SS18: variants seen among roughly 807,000 people sequenced by gnomAD.
SS18 encodes SS18 subunit of BAF chromatin remodeling complex, also known as protein SSXT.
Under a neutral mutation model 72.5 loss-of-function variants are expected in SS18, and 28 were observed. The ratio of observed to expected loss-of-function variants is 0.39; its 90% confidence interval spans 0.29 to 0.53. The LOEUF is 0.53. Ranked by LOEUF, SS18 falls within the 20% of genes least tolerant of loss-of-function variation. The pLI is 0.76. For synonymous variants in SS18, 172 were observed against 164.2 expected, an observed-to-expected ratio of 1.05 and a Z score of -0.37; for missense variants, 518 against 535.3, an observed-to-expected ratio of 0.97 and a Z score of 0.32.
chr18:26,022,951 C>T (rs2053378754), intron 10 of SS18, among the ~76,000 whole-genome samples: 1 of 152,190 alleles, frequency 6.6e-6, no homozygotes, highest in Non-Finnish European at 1.5e-5. Flanking sequence ...AGGCTCTTAC[C>T]TTATCAGTGA....
At position 26,045,845 on chromosome 18, in the gene SS18, G is replaced by A. The variant is rs555920055; in HGVS notation, c.608-6389C>T. On this transcript the variant is annotated intron_variant, in intron 5 of 10. Transcript: ENST00000415083. ...TTACTGTCAGTTAAAAATACATAGG[G>A]AAATGAGAAAATATTTAATTCACTG... 2.1e-4 allele frequency among the ~76,000 whole-genome samples: 32 copies of A among 152,098 alleles called. No homozygotes were observed. The South Asian group carries it at 6.6e-3, about 32-fold the overall frequency.
In SS18 at chr18:26,057,642, C is replaced by A; in HGVS notation, c.332G>T (p.Gly111Val). 1 of 1,614,142 alleles carries A rather than the reference C, an allele frequency of 6.2e-7. No homozygotes were observed. Residue 111 changes from glycine (G) to valine (V), a missense_variant, in exon 4 of 11, where the codon GGT becomes GTT. By Grantham distance (109) the Gly-to-Val change is moderately radical. Coordinates refer to ENST00000415083, the MANE Select transcript of SS18 (RefSeq NM_001007559.3). ...CATGTGCGGTGCAGGAGGACCCCCA[C>A]CTACCATTCCATCTGAAGGCATGTT... ...SHNMPSDGMVGGGPPAPHMQN... is the reference protein window; with the variant it reads ...SHNMPSDGMVVGGPPAPHMQN...
intron 3 of SS18, among the ~76,000 whole-genome samples, chr18:26,063,316 G>C (rs145103525): frequency 2.6e-5 from 4 of 152,096 alleles, no homozygotes; most frequent in African/African-American, 7.2e-5. Flanking sequence ...TCAGGAGATC[G>C]AGACCATCCT....
intron 2 of SS18, among the ~76,000 whole-genome samples, chr18:26,080,937 T>C (rs1407305083): frequency 6.6e-6 from 1 of 152,086 alleles, no homozygotes; most frequent in Non-Finnish European, 1.5e-5. Flanking sequence ...TTAACATTGA[T>C]ATATCATTAC....
At chr18:26,038,764 TC>T in intron 6 of SS18, 105 bp from the exon 7 acceptor site, 1 of 1,061,952 alleles carries the variant, frequency 9.4e-7, no homozygotes, top group East Asian at 2.5e-5. Context: ...AACTATAGAT[TC>T]CCATCTCATA....
In SS18 at chr18:26,035,611, T is replaced by C. The variant is rs973136799; in HGVS notation, c.973+220A>G. ...GAGGAAAAAATTATCTTTAATGTTT[T>C]AGTCTTTTTATTATTGTTAGAAATG... On this transcript the variant is annotated intron_variant, in intron 8 of 10. Coordinates refer to ENST00000415083, the MANE Select transcript of SS18 (RefSeq NM_001007559.3). The surrounding 1 kb of genome is among the most constrained non-coding windows in gnomAD (Gnocchi z 4.4). The C allele has an allele frequency of 7.7e-6, 3 of 389,414 alleles. No individual in the cohort carries two copies. Among genetic ancestry groups the C allele is most frequent in the African/African-American group, 2.1e-5 (1 of 48,408 alleles). 24.1% of individuals were successfully genotyped at this position (389,414 alleles called of 1,614,324 possible). A position where few individuals can be genotyped will look rare whatever the true frequency, so the allele number is the denominator to read the frequency against.
At chr18:26,061,611 A>G (rs778046256) in intron 3 of SS18, among the ~76,000 whole-genome samples, 19 of 152,146 alleles carry the variant, frequency 1.2e-4, no homozygotes, top group Non-Finnish European at 2.2e-4. Context: ...TTCATCAGAA[A>G]TAATAGAAAA....
chr18:26,083,992 T>C (rs1251014879), intron 2 of SS18: 1 of 152,042 alleles, frequency 6.6e-6, no homozygotes, highest in African/African-American at 2.4e-5. Context: ...CAGATCTTAG[T>C]TTCTAAACAT....
In SS18 at chr18:26,051,681, C is replaced by T. The variant is rs149993827; in HGVS notation, c.607+943G>A. On this transcript the variant is annotated intron_variant, in intron 5 of 10. Coordinates refer to ENST00000415083, the MANE Select transcript of SS18 (RefSeq NM_001007559.3). The stretch of plus-strand genomic sequence containing the variant: ...AATAAAAACAAAAAAATAATTCTAC[C>T]ATAAGCATTAAGTAACTTTGGGGGA... Among the ~76,000 whole-genome samples, 659 of 152,188 alleles carry T rather than the reference C, an allele frequency of 4.3e-3. 4 individuals are homozygous for T. The highest frequency in any genetic ancestry group is 0.014 in the African/African-American group (593 of 41,534).
chr18:26,056,118 A>G (rs1447341532), intron 4 of SS18, among the ~76,000 whole-genome samples: 1 of 152,168 alleles, frequency 6.6e-6, no homozygotes, highest in East Asian at 1.9e-4. Flanking sequence ...CCAGGTCATA[A>G]GTGGTTGATA....
intron 2 of SS18, chr18:26,082,497 T>A: frequency 4.1e-6 from 4 of 985,274 alleles, no homozygotes; most frequent in Non-Finnish European, 4.8e-6. Context: ...TTGTTTGAAA[T>A]TTATGCAACT....
At position 26,051,464 on chromosome 18, in the gene SS18, C is replaced by T. The variant is rs139258272; in HGVS notation, c.607+1160G>A. On this transcript the variant is annotated intron_variant, in intron 5 of 10. Transcript: ENST00000415083. The stretch of plus-strand genomic sequence containing the variant: ...GCTGCAGCAACATCCATTTTTTGTG[C>T]ACACCATACCTTTTCTTAACTATAG... Among the ~76,000 whole-genome samples, 874 of 152,206 alleles carry T rather than the reference C, an allele frequency of 5.7e-3. 12 individuals carry two copies. The highest frequency in any genetic ancestry group is 0.02 in the African/African-American group (837 of 41,544).
intron 3 of SS18, among the ~76,000 whole-genome samples, chr18:26,062,654 C>A (rs968090830): frequency 2.0e-5 from 3 of 152,046 alleles, no homozygotes; most frequent in Admixed American, 2.0e-4. Context: ...AACACAACTA[C>A]TTTAAAGTCA....
intron 4 of SS18, among the ~76,000 whole-genome samples, chr18:26,056,373 T>A (rs532954837): frequency 5.6e-4 from 86 of 152,354 alleles, no homozygotes; most frequent in African/African-American, 2.0e-3. Flanking sequence ...GAACTAAATG[T>A]GGACTTGGCA....
intron 3 of SS18, among the ~76,000 whole-genome samples, chr18:26,073,440 A>G (rs1279440214): frequency 6.6e-6 from 1 of 152,228 alleles, no homozygotes; most frequent in Non-Finnish European, 1.5e-5. Flanking sequence ...AATCATAAAG[A>G]TCAGAAATTA....
intron 4 of SS18, among the ~76,000 whole-genome samples, chr18:26,053,656 G>A (rs1280480190): frequency 2.7e-5 from 4 of 150,544 alleles, no homozygotes; most frequent in East Asian, 1.9e-4. Context: ...AGGACATAAT[G>A]AGGGAATGAC....
chr18:26,050,925 TAAATAAAC>T (rs2053911144), intron 5 of SS18, among the ~76,000 whole-genome samples: 1 of 151,972 alleles, frequency 6.6e-6, no homozygotes, highest in African/African-American at 2.4e-5. Flanking sequence ...AATAAATAAA[TAAATAAAC>T]AAATAAAAAT....
At chr18:26,057,471 T>G in intron 4 of SS18, 118 bp downstream of exon 4, 3 of 1,170,922 alleles carry the variant, frequency 2.6e-6, no homozygotes, top group Non-Finnish European at 3.7e-6. Context: ...TAAGAGAGCT[T>G]GTACTCGGGG....
chr18:26,090,773 C>T (rs894463753), upstream of SS18: 13 of 602,908 alleles, frequency 2.2e-5, no homozygotes, highest in Non-Finnish European at 3.5e-5. Flanking sequence ...CTGGGGGACC[C>T]CTAGCCCTGG....
Sources: allele counts gnomAD v4.1 joint callset (sites outside exome capture counted in the v4.1 genomes callset), GRCh38; gene constraint gnomAD v4.1.1; non-coding constraint Gnocchi (gnomAD v3.1); transcripts MANE v1.5; gene names NCBI Gene and HGNC (gene_info 2026-07-23, HGNC 2026-07-21).